The following KCNAB1 variants were observed in gnomAD, a reference collection of about 807,000 sequenced individuals.
KCNAB1 encodes the protein voltage-gated potassium channel subunit beta-1.
KCNAB1 carries 35 observed loss-of-function variants against 64.6 expected under a neutral mutation model. The observed-to-expected ratio is 0.54, with a 90% CI of 0.41 to 0.72. KCNAB1 has a LOEUF of 0.72. KCNAB1 is among the 30% of genes least tolerant of loss of function. The pLI is 0.00. For missense variants in KCNAB1, 401 were observed against 512.9 expected, an observed-to-expected ratio of 0.78 and a Z score of 2.11; for synonymous variants, 177 against 183.8, an observed-to-expected ratio of 0.96 and a Z score of 0.30.
chr3:156,280,321 A>G (rs1466529243), intron 1 of KCNAB1, among the ~76,000 whole-genome samples: 1 of 148,688 alleles, frequency 6.7e-6, no homozygotes, highest in African/African-American at 2.5e-5. Context: ...TGTTCCATTG[A>G]TCTATATCTC....
chr3:156,175,629 C>A (rs1712315079), intron 1 of KCNAB1, among the ~76,000 whole-genome samples: 1 of 152,088 alleles, frequency 6.6e-6, no homozygotes, highest in South Asian at 2.1e-4. Context: ...AAAAACAAAA[C>A]AAAACAGTTC....
At position 156,525,175 on chromosome 3, in the gene KCNAB1, A is replaced by G. The variant is rs912585898; in HGVS notation, c.1081+1228A>G. Among the ~76,000 whole-genome samples the G allele has an allele frequency of 3.1e-4, 47 of 152,308 alleles. 1 individual carries two copies. The highest frequency in any genetic ancestry group is 1.1e-3 in the African/African-American group (47 of 41,570). On this transcript the variant is annotated intron_variant, in intron 12 of 13. Transcript: ENST00000490337. ...AGGAAAAAAAAAAAGTTAACTGTAA[A>G]ACAGCCTTATGCAGGCCCTTCAGGA... is the stretch of plus-strand genomic sequence containing the variant.
At chr3:156,249,659 A>G (rs1046667386) in intron 1 of KCNAB1, among the ~76,000 whole-genome samples, 3 of 152,226 alleles carry the variant, frequency 2.0e-5, no homozygotes, top group African/African-American at 7.2e-5. Flanking sequence ...GAACGGCTTT[A>G]CTATAAACCA....
chr3:156,448,275 A>C (rs1450910683), intron 2 of KCNAB1, among the ~76,000 whole-genome samples: 2 of 152,232 alleles, frequency 1.3e-5, no homozygotes, highest in Admixed American at 6.5e-5. Context: ...TACACAGTGA[A>C]ATAATTGTAT....
chr3:156,296,404 A>T (rs144646473), intron 1 of KCNAB1, among the ~76,000 whole-genome samples: 253 of 150,970 alleles, frequency 1.7e-3, no homozygotes, highest in African/African-American at 5.8e-3. Flanking sequence ...GAACATTGGC[A>T]TATGATGGGC....
intron 2 of KCNAB1, among the ~76,000 whole-genome samples, chr3:156,441,600 T>C (rs73873369): frequency 0.06 from 9,137 of 152,248 alleles, 402 homozygotes; most frequent in African/African-American, 0.11. Flanking sequence ...GTTTTAAAAA[T>C]CAGAAATTGC....
chr3:156,368,469 C>T (rs375039779), intron 1 of KCNAB1, among the ~76,000 whole-genome samples: 1 of 152,164 alleles, frequency 6.6e-6, no homozygotes, highest in African/African-American at 2.4e-5. Context: ...CTCTGTTGCC[C>T]AGGCTGTAGT....
At chr3:156,511,350 G>A (rs982056885) in intron 8 of KCNAB1, among the ~76,000 whole-genome samples, 4 of 152,004 alleles carry the variant, frequency 2.6e-5, no homozygotes, top group Non-Finnish European at 4.4e-5. Flanking sequence ...TGATCCACCC[G>A]CCTCGGCCTC....
At chr3:156,357,159 GCACACACACACA>G (rs112441885) in intron 1 of KCNAB1, among the ~76,000 whole-genome samples, 4 of 147,404 alleles carry the variant, frequency 2.7e-5, no homozygotes, top group South Asian at 2.2e-4. Flanking sequence ...ACATGTGCGC[GCACACACACACA>G]CACACACACA....
chr3:156,187,846 C>T (rs1329552722), intron 1 of KCNAB1, among the ~76,000 whole-genome samples: 1 of 152,244 alleles, frequency 6.6e-6, no homozygotes, highest in Non-Finnish European at 1.5e-5. Context: ...AGCTTCAAAT[C>T]TGGGTTCGCT....
chr3:156,146,775 T>G (rs993931361), intron 1 of KCNAB1, among the ~76,000 whole-genome samples: 2 of 152,204 alleles, frequency 1.3e-5, no homozygotes, highest in Non-Finnish European at 2.9e-5. Context: ...AGTTTTTGCA[T>G]ATCACAAATC....
At chr3:156,503,855 CAA>C (rs1033759263) in intron 8 of KCNAB1, among the ~76,000 whole-genome samples, 5 of 152,278 alleles carry the variant, frequency 3.3e-5, no homozygotes, top group African/African-American at 1.2e-4. Flanking sequence ...GTGATCAAAT[CAA>C]AGTCATTAAC....
rs1288399948 is a variant in KCNAB1 at position 156,459,828 on chromosome 3, G to A, written c.439G>A (p.Ala147Thr). Reference protein sequence around the residue: ...DTAEVYAAGKAEVILGSIIKK... With the variant: ...DTAEVYAAGKTEVILGSIIKK... ...GACATTATCTGTTTCCCCTTCCAGG[G>A]CTGAAGTGATTCTGGGGAGCATCAT... The change falls in exon 5 of 14, where the codon GCT (alanine) becomes ACT (threonine). Residue 147 changes from alanine to threonine, a missense_variant and splice_region_variant. Transcript: ENST00000490337. 1.2e-6 allele frequency: 2 copies of A among 1,607,706 alleles called. No homozygotes were observed. Among genetic ancestry groups the A allele is most frequent in the Admixed American group, 1.7e-5 (1 of 59,894 alleles).
intron 1 of KCNAB1, among the ~76,000 whole-genome samples, chr3:156,166,430 A>C (rs558352170): frequency 6.6e-6 from 1 of 152,352 alleles, no homozygotes; most frequent in South Asian, 2.1e-4. Flanking sequence ...TAGTAGCACT[A>C]GAGAGATACT....
intron 8 of KCNAB1, among the ~76,000 whole-genome samples, chr3:156,484,362 A>C (rs1407265639): frequency 6.6e-6 from 1 of 152,076 alleles, no homozygotes; most frequent in Non-Finnish European, 1.5e-5. Context: ...GTTTTTAGTT[A>C]AGAAAAAAGA....
At chr3:156,445,564 A>C (rs903487932) in intron 2 of KCNAB1, among the ~76,000 whole-genome samples, 1 of 152,214 alleles carries the variant, frequency 6.6e-6, no homozygotes, top group Non-Finnish European at 1.5e-5. Context: ...TGAGGAAAAC[A>C]ACCAACGTTC....
Position 156,509,926 on chromosome 3 carries a change from T to TA in KCNAB1, c.659-4433dup, listed in dbSNP as rs533700396. On this transcript the variant is annotated intron_variant, in intron 8 of 13. Transcript: ENST00000490337. The stretch of plus-strand genomic sequence containing the variant: ...AGTGTTCTTAATTATTCAAATCATG[T>TA]AAAAACCCACCTTGGCCATCAGTAT... Among the ~76,000 whole-genome samples the TA allele has an allele frequency of 2.6e-5, 4 of 152,358 alleles. No homozygotes were observed. In the South Asian group the frequency reaches 8.3e-4, roughly 32 times the overall value.
intron 13 of KCNAB1, among the ~76,000 whole-genome samples, chr3:156,532,842 CA>C (rs148430078): frequency 6.6e-6 from 1 of 152,114 alleles, no homozygotes; most frequent in Non-Finnish European, 1.5e-5. Flanking sequence ...ACAGTTTGTA[CA>C]AAAAAGAACT....
chr3:156,494,284 A>G (rs1715845171), intron 8 of KCNAB1, among the ~76,000 whole-genome samples: 1 of 152,138 alleles, frequency 6.6e-6, no homozygotes, highest in African/African-American at 2.4e-5. Context: ...ATTCATTACT[A>G]GCATTATTTT....
Sources: gnomAD v4.1 joint callset for allele counts (sites outside exome capture counted in the v4.1 genomes callset) on GRCh38, gnomAD v4.1.1 for gene constraint, MANE v1.5 for transcripts, NCBI Gene and HGNC (gene_info 2026-07-23, HGNC 2026-07-21) for gene names.